BOP1: variants seen among roughly 807,000 people sequenced by gnomAD.
BOP1 encodes ribosome biogenesis protein BOP1.
A neutral mutation model predicts 82.9 loss-of-function variants in BOP1; 54 were observed. That is an observed-to-expected ratio of 0.65 (90% CI 0.52 to 0.82). BOP1 has a LOEUF of 0.82. BOP1 is among the 40% of genes least tolerant of loss of function. The pLI, the probability that BOP1 is intolerant of heterozygous loss-of-function variation, is 0.00. For missense variants in BOP1, 1,170 were observed against 1,072.0 expected (o/e 1.09, Z -1.28); for synonymous variants, 566 against 451.1 (o/e 1.25, Z -3.23).
At chr8:144,269,758 C>A (rs1845461718) in intron 3 of BOP1, among the ~76,000 whole-genome samples, 1 of 152,196 alleles carries the variant, frequency 6.6e-6, no homozygotes, top group Non-Finnish European at 1.5e-5. Flanking sequence ...GCCCGGGGGA[C>A]ACGGACATGC....
intron 2 of BOP1, among the ~76,000 whole-genome samples, chr8:144,280,404 C>A (rs1230602714): frequency 2.0e-5 from 3 of 152,246 alleles, no homozygotes; most frequent in Non-Finnish European, 4.4e-5. Context: ...ACCCAGACCC[C>A]AGAACCACAG....
intron 3 of BOP1, among the ~76,000 whole-genome samples, chr8:144,267,496 C>T (rs1845403183): frequency 6.6e-6 from 1 of 152,386 alleles, no homozygotes; most frequent in Middle Eastern, 3.4e-3. Flanking sequence ...TGCAAGCTTC[C>T]CTTTTCAGTA....
intron 3 of BOP1, chr8:144,267,012 G>T: frequency 6.5e-7 from 1 of 1,535,458 alleles, no homozygotes; most frequent in South Asian, 1.2e-5. Flanking sequence ...TGCTGCTGGC[G>T]GGCGAGGCCT....
chr8:144,278,526 T>C (rs1437225388), intron 2 of BOP1, among the ~76,000 whole-genome samples: 4 of 152,188 alleles, frequency 2.6e-5, no homozygotes. Context: ...TGGGAGAGGA[T>C]GGCGACAGAG....
intron 2 of BOP1, among the ~76,000 whole-genome samples, chr8:144,279,045 G>C (rs1260723020): frequency 6.6e-6 from 1 of 152,194 alleles, no homozygotes; most frequent in Non-Finnish European, 1.5e-5. Flanking sequence ...GGCCATGTGT[G>C]CTGCCACCAG....
Position 144,263,350 on chromosome 8 carries a change from C to G in BOP1, c.1476G>C (p.Ala492=). The G allele has an allele frequency of 6.3e-7, 1 of 1,595,720 alleles. No homozygotes were observed. The stretch of plus-strand genomic sequence containing the variant: ...CGCTCAACAGCTGATCTGTGCTGCC[C>G]GCCACCAGCCGGTCCCCCAGAGCTG... The part of the protein sequence containing the change: ...LNPALGDRLV[A]GSTDQLLSAF... The change falls in exon 12 of 16, where the codon GCG becomes GCC. Residue 492 remains alanine (A), a synonymous_variant. Coordinates refer to ENST00000569669, the MANE Select transcript of BOP1 (RefSeq NM_015201.5).
chr8:144,267,083 GC>G, intron 3 of BOP1: 1 of 1,369,684 alleles, frequency 7.3e-7, no homozygotes, highest in Non-Finnish European at 9.3e-7. Flanking sequence ...CGCGCCGGCA[GC>G]CCCCCGCCGC....
intron 2 of BOP1, among the ~76,000 whole-genome samples, chr8:144,282,121 G>A (rs782679731): frequency 3.1e-4 from 47 of 152,342 alleles, no homozygotes; most frequent in East Asian, 1.5e-3. Context: ...CGGTGAGCCC[G>A]CGGCCCGCGC....
intron 2 of BOP1, among the ~76,000 whole-genome samples, chr8:144,278,430 A>AGCCTC (rs1168758503): frequency 6.6e-6 from 1 of 152,150 alleles, no homozygotes; most frequent in African/African-American, 2.4e-5. Flanking sequence ...ACCACACCAG[A>AGCCTC]GCCTCCCCTC....
chr8:144,278,550 G>C (rs1554838579), intron 2 of BOP1, among the ~76,000 whole-genome samples: 1 of 152,246 alleles, frequency 6.6e-6, no homozygotes, highest in African/African-American at 2.4e-5. Flanking sequence ...CGGTGTCCCG[G>C]TTCGGTGGGA....
At chr8:144,266,441 G>A in intron 3 of BOP1, 1 of 938,800 alleles carries the variant, frequency 1.1e-6, no homozygotes, top group Non-Finnish European at 1.3e-6. Context: ...GCGCAGCTCG[G>A]GGCCCCGCTC....
chr8:144,272,853 C>A (rs1845512399), intron 3 of BOP1, among the ~76,000 whole-genome samples: 1 of 152,238 alleles, frequency 6.6e-6, no homozygotes, highest in South Asian at 2.1e-4. Flanking sequence ...GGCCTTCAAG[C>A]CGGCCAAGGG....
chr8:144,275,685 C>G (rs1267443941), intron 3 of BOP1, among the ~76,000 whole-genome samples: 1 of 152,144 alleles, frequency 6.6e-6, no homozygotes, highest in Admixed American at 6.5e-5. Flanking sequence ...CAGCCACCAC[C>G]AGGGGTGGGG....
At chr8:144,277,104 C>T (rs1028436782) in intron 2 of BOP1, among the ~76,000 whole-genome samples, 6 of 152,242 alleles carry the variant, frequency 3.9e-5, no homozygotes, top group African/African-American at 9.6e-5. Flanking sequence ...ACCTCTCACC[C>T]GTGGGGGCAG....
In BOP1 at chr8:144,281,203, C is replaced by T. The variant is rs1310067567; in HGVS notation, c.310-4899G>A. ...ACTTTCATACCAGGTCTTTGGCCTT[C>T]TCTCAGTTTAATACCAGGTCTTCGG... On this transcript the variant is annotated intron_variant, in intron 2 of 15. Coordinates refer to ENST00000569669, the MANE Select transcript of BOP1 (RefSeq NM_015201.5). Among the ~76,000 whole-genome samples the T allele has an allele frequency of 8.9e-5, 2 of 22,556 alleles. 1 individual carries two copies. The highest frequency in any genetic ancestry group is 2.6e-4 in the Non-Finnish European group (2 of 7,818). The allele number at this position is 22,556 out of a possible 152,430, so 14.8% of individuals were successfully genotyped here. A position where few individuals can be genotyped will look rare whatever the true frequency, so the allele number is the denominator to read the frequency against.
Position 144,262,889 on chromosome 8 carries a change from A to G in BOP1, c.1858T>C (p.Cys620Arg). ...QELTKKLMPN[C>R]KWVSSLAVHP... Reference sequence around the variant, plus strand: ...ACCGCCAGGCTGGACACCCACTTGCAGTTGGGCATCAGCTTCTTGGTGAGC... The same window carrying G: ...ACCGCCAGGCTGGACACCCACTTGCGGTTGGGCATCAGCTTCTTGGTGAGC... Residue 620 changes from cysteine to arginine, a missense_variant, in exon 13 of 16, where the codon TGC becomes CGC. Cys to Arg is a radical substitution (Grantham distance 180). Transcript: ENST00000569669. 1 of 1,504,462 alleles carries G rather than the reference A, an allele frequency of 6.6e-7. No homozygotes were observed. Among genetic ancestry groups the G allele is most frequent in the Non-Finnish European group, 8.8e-7 (1 of 1,130,170 alleles). 93.2% of individuals were successfully genotyped at this position (1,504,462 alleles called of 1,614,324 possible).
intron 3 of BOP1, chr8:144,266,639 C>T: frequency 3.2e-6 from 4 of 1,238,988 alleles, no homozygotes; most frequent in Admixed American, 3.2e-5. Context: ...CTGCGCCCGG[C>T]GCCGCCGGGC....
At chr8:144,275,238 G>C (rs946880039) in intron 3 of BOP1, among the ~76,000 whole-genome samples, 6 of 152,110 alleles carry the variant, frequency 3.9e-5, no homozygotes, top group African/African-American at 2.4e-5. Flanking sequence ...GGGCCCAAAG[G>C]AGACTCTGCC....
intron 2 of BOP1, among the ~76,000 whole-genome samples, chr8:144,287,766 T>G (rs1814922851): frequency 6.6e-6 from 1 of 152,148 alleles, no homozygotes; most frequent in African/African-American, 2.4e-5. Flanking sequence ...CTGTGTATGT[T>G]AGTGGTATAA....
Sources: gnomAD v4.1 joint callset for allele counts (sites outside exome capture counted in the v4.1 genomes callset) on GRCh38, gnomAD v4.1.1 for gene constraint, MANE v1.5 for transcripts, NCBI Gene and HGNC (gene_info 2026-07-23, HGNC 2026-07-21) for gene names.